Variants in IKBKB observed in about 807,000 individuals in gnomAD.
The protein encoded by IKBKB is inhibitor of nuclear factor kappa B kinase subunit beta, also known as inhibitor of nuclear factor kappa-B kinase subunit beta.
IKBKB carries 42 observed loss-of-function variants against 113.6 expected under a neutral mutation model. The observed-to-expected ratio is 0.37, with a 90% CI of 0.29 to 0.48. The LOEUF is 0.48. Among genes scored for constraint, IKBKB ranks in the 20% least tolerant of loss-of-function variants. IKBKB has a pLI of 0.99. For synonymous variants in IKBKB, 296 were observed against 361.3 expected, an observed-to-expected ratio of 0.82 and a Z score of 2.05; for missense variants, 673 against 939.7, an observed-to-expected ratio of 0.72 and a Z score of 3.71.
intron 2 of IKBKB, among the ~76,000 whole-genome samples, chr8:42,277,623 G>T (rs1162837602): frequency 6.6e-6 from 1 of 152,170 alleles, no homozygotes; most frequent in Non-Finnish European, 1.5e-5. Context: ...CCTCTTGCCG[G>T]ACAGGCCTCC....
At chr8:42,314,478 A>G in intron 9 of IKBKB, 49 bp downstream of exon 9, 1 of 1,258,916 alleles carries the variant, frequency 7.9e-7, no homozygotes, top group South Asian at 1.2e-5. Flanking sequence ...TGCTTTTTTT[A>G]GAAATACAAG....
chr8:42,282,353 C>A (rs1467065931), intron 2 of IKBKB, among the ~76,000 whole-genome samples: 1 of 152,206 alleles, frequency 6.6e-6, no homozygotes, highest in East Asian at 1.9e-4. Flanking sequence ...CAGGCATCTA[C>A]TACTATGCCT....
Position 42,314,412 on chromosome 8 carries a change from C to T in IKBKB, c.783C>T (p.Tyr261=), listed in dbSNP as rs150493359. 3 of 1,603,380 alleles carry T rather than the reference C, an allele frequency of 1.9e-6. No individual in the cohort carries two copies. Among genetic ancestry groups the T allele is most frequent in the Non-Finnish European group, 2.6e-6 (3 of 1,170,222 alleles). ...GTVKFSSSLP[Y]PNNLNSVLAE... ...TGAAGTTTTCAAGCTCTTTACCCTA[C>T]CCCAATAATCTTAACAGGTAAGGCA... Residue 261 remains tyrosine, a synonymous_variant, in exon 9 of 22, where the codon TAC becomes TAT. Coordinates refer to ENST00000520810, the MANE Select transcript of IKBKB (RefSeq NM_001556.3).
chr8:42,328,685 A>G (rs10958715), intron 20 of IKBKB, among the ~76,000 whole-genome samples: 115,296 of 152,156 alleles, frequency 0.76, 47,977 homozygotes, highest in Non-Finnish European at 0.93. Flanking sequence ...AGATTAGATG[A>G]AACCAAATCC....
intron 6 of IKBKB, 113 bp downstream of exon 6, chr8:42,305,388 C>T: frequency 1.5e-6 from 1 of 672,854 alleles, no homozygotes; most frequent in East Asian, 2.8e-5. Flanking sequence ...CTTGCCTGTG[C>T]TTTGATTCTC....
intron 5 of IKBKB, among the ~76,000 whole-genome samples, chr8:42,294,728 C>T (rs1813361785): frequency 1.3e-5 from 2 of 152,220 alleles, no homozygotes; most frequent in African/African-American, 4.8e-5. Flanking sequence ...AATGAGCACC[C>T]AGTGCTGGCC....
At chr8:42,293,702 C>G in intron 5 of IKBKB, 190 bp downstream of exon 5, 1 of 797,588 alleles carries the variant, frequency 1.3e-6, no homozygotes, top group Non-Finnish European at 2.0e-6. Flanking sequence ...AGATGCTGAA[C>G]TCAAATAGGT....
chr8:42,295,775 A>T (rs1360915708), intron 5 of IKBKB, among the ~76,000 whole-genome samples: 5 of 151,706 alleles, frequency 3.3e-5, no homozygotes, highest in Non-Finnish European at 7.4e-5. Flanking sequence ...CAGCTTCCTC[A>T]TATGGTTGTT....
In IKBKB at chr8:42,331,687, C is replaced by T. The variant is rs1478495974; in HGVS notation, c.*708C>T. On this transcript the variant is annotated 3_prime_UTR_variant, in exon 22 of 22. Transcript: ENST00000520810. ...CATCTGTGGTCCTTTCTGCCAAGAG[C>T]GACTCATAGTAACCAGGATGGGAGA... 19 of 470,058 alleles carry T rather than the reference C, an allele frequency of 4.0e-5. No homozygotes were observed. The highest frequency in any genetic ancestry group is 2.4e-4 in the South Asian group (11 of 45,336). The allele number at this position is 470,058 out of a possible 1,614,324, so 29.1% of individuals were successfully genotyped here.
chr8:42,279,364 A>G (rs956608227), intron 2 of IKBKB, among the ~76,000 whole-genome samples: 2 of 152,222 alleles, frequency 1.3e-5, no homozygotes, highest in Non-Finnish European at 2.9e-5. Context: ...AACAGTGTGC[A>G]CTTTCCTGAC....
In IKBKB at chr8:42,331,610, A is replaced by T. The variant is rs200413060; in HGVS notation, c.*631A>T. On this transcript the variant is annotated 3_prime_UTR_variant, in exon 22 of 22. Coordinates refer to ENST00000520810, the MANE Select transcript of IKBKB (RefSeq NM_001556.3). ...TGCTAAAATTGTGTTTTTACCTACT[A>T]CTTTGGTGGTTGTCCTCTTTTCGGC... 2 of 583,292 alleles carry T rather than the reference A, an allele frequency of 3.4e-6. No individual in the cohort carries two copies. Among genetic ancestry groups the T allele is most frequent in the African/African-American group, 1.9e-5 (1 of 53,620 alleles). The allele number at this position is 583,292 out of a possible 1,614,324, so 36.1% of individuals were successfully genotyped here.
intron 11 of IKBKB, chr8:42,317,208 C>CAA (rs1818862718): frequency 5.2e-5 from 8 of 155,330 alleles, no homozygotes; most frequent in East Asian, 1.4e-4. Flanking sequence ...TCCAAGTGTA[C>CAA]TAAAAAAAAA....
At position 42,331,882 on chromosome 8, in the gene IKBKB, G is replaced by A. The variant is rs201486499; in HGVS notation, c.*903G>A. ...TCCCTGTCTCTCACAGCATCTAGCA[G>A]TATTATTAAATGGATTCATTTTAAA... On this transcript the variant is annotated 3_prime_UTR_variant, in exon 22 of 22. Transcript: ENST00000520810. The A allele has an allele frequency of 6.3e-5, 11 of 173,984 alleles. No homozygotes were observed. The highest frequency in any genetic ancestry group is 5.4e-5 in the Admixed American group (1 of 18,508). The allele number at this position is 173,984 out of a possible 1,614,324, so 10.8% of individuals were successfully genotyped here.
intron 19 of IKBKB, among the ~76,000 whole-genome samples, chr8:42,323,849 C>T (rs1449054911): frequency 6.6e-6 from 1 of 152,138 alleles, no homozygotes; most frequent in African/African-American, 2.4e-5. Flanking sequence ...CCATCTACAT[C>T]CATTGAGCAT....
At chr8:42,303,528 G>C (rs1367385740) in intron 5 of IKBKB, among the ~76,000 whole-genome samples, 1 of 149,864 alleles carries the variant, frequency 6.7e-6, no homozygotes, top group Non-Finnish European at 1.5e-5. Flanking sequence ...TTTTTAGGTA[G>C]AGTCTTACTC....
intron 5 of IKBKB, among the ~76,000 whole-genome samples, chr8:42,302,160 G>A (rs1217811918): frequency 3.9e-5 from 6 of 152,118 alleles, no homozygotes; most frequent in Non-Finnish European, 1.5e-5. Flanking sequence ...GCAAGGCTGT[G>A]TTAGTGCAGC....
At chr8:42,299,048 A>G (rs538268279) in intron 5 of IKBKB, among the ~76,000 whole-genome samples, 64 of 151,992 alleles carry the variant, frequency 4.2e-4, no homozygotes, top group African/African-American at 1.5e-3. Context: ...TCAACCCTGA[A>G]CTCATCCTAA....
chr8:42,322,554 C>G, intron 19 of IKBKB, 60 bp downstream of exon 19: 1 of 1,569,422 alleles, frequency 6.4e-7, no homozygotes, highest in Non-Finnish European at 8.7e-7. Flanking sequence ...CTTTCCACCT[C>G]TGTGCACTGC....
At chr8:42,313,486 T>C (rs1452294355) in intron 8 of IKBKB, among the ~76,000 whole-genome samples, 1 of 152,154 alleles carries the variant, frequency 6.6e-6, no homozygotes. Flanking sequence ...CCCAAGAAGT[T>C]CCCTAAGTTG....
Sources: allele counts gnomAD v4.1 joint callset (sites outside exome capture counted in the v4.1 genomes callset), GRCh38; gene constraint gnomAD v4.1.1; transcripts MANE v1.5; gene names NCBI Gene and HGNC (gene_info 2026-07-23, HGNC 2026-07-21).